Variants in SYN2 observed in about 807,000 individuals in gnomAD.
The protein encoded by SYN2 is synapsin-2.
A neutral mutation model predicts 50.9 loss-of-function variants in SYN2; 19 were observed. The observed-to-expected ratio is 0.37, with a 90% CI of 0.26 to 0.55. SYN2 has a LOEUF of 0.55. Among genes scored for constraint, SYN2 ranks in the 20% least tolerant of loss-of-function variants. SYN2 has a pLI of 0.81. For missense variants in SYN2, 587 were observed against 576.4 expected (o/e 1.02, Z -0.19); for synonymous variants, 255 against 224.9 (o/e 1.13, Z -1.20).
At chr3:12,042,684 C>A (rs2125149960) in intron 1 of SYN2, among the ~76,000 whole-genome samples, 1 of 152,208 alleles carries the variant, frequency 6.6e-6, no homozygotes, top group East Asian at 1.9e-4. Flanking sequence ...GAAACAGTGT[C>A]TTTGCAGCTA....
chr3:12,185,189 G>A (rs934758373), intron 11 of SYN2: 76 of 985,664 alleles, frequency 7.7e-5, no homozygotes, highest in Non-Finnish European at 8.9e-5. Context: ...TAAGAATCAG[G>A]TCCTTAAATA....
intron 1 of SYN2, among the ~76,000 whole-genome samples, chr3:12,074,381 C>T (rs996007873): frequency 3.9e-5 from 6 of 151,998 alleles, no homozygotes; most frequent in Non-Finnish European, 7.4e-5. Context: ...TACTGTTTAT[C>T]GTTGTCTTTT....
chr3:12,167,864 A>C (rs1348732871), intron 8 of SYN2, among the ~76,000 whole-genome samples: 1 of 152,194 alleles, frequency 6.6e-6, no homozygotes, highest in Non-Finnish European at 1.5e-5. Context: ...GGCCAGGCTA[A>C]CAGGTCTCAG....
At chr3:12,171,385 C>T (rs1378934378) in intron 10 of SYN2, among the ~76,000 whole-genome samples, 1 of 152,174 alleles carries the variant, frequency 6.6e-6, no homozygotes, top group Non-Finnish European at 1.5e-5. Context: ...GAGAGAGAAT[C>T]TGTGAACCAG....
At chr3:12,091,746 AC>A (rs1695833995) in intron 1 of SYN2, among the ~76,000 whole-genome samples, 1 of 152,240 alleles carries the variant, frequency 6.6e-6, no homozygotes, top group African/African-American at 2.4e-5. Context: ...ACAGTGGTCT[AC>A]CCCCTGTATT....
rs1696376725 is a variant in SYN2, at chr3:12,113,901, T to C, written c.378-26750T>C. On this transcript the variant is annotated intron_variant, in intron 1 of 12. Coordinates refer to ENST00000621198, the MANE Select transcript of SYN2 (RefSeq NM_133625.6). Reference sequence around the variant, plus strand: ...TTTTCCCTATTGTAAATAGTGTTGCTATGAACATTCATGTACAAGTTTTCA... The same window carrying C: ...TTTTCCCTATTGTAAATAGTGTTGCCATGAACATTCATGTACAAGTTTTCA... Among the ~76,000 whole-genome samples the C allele has an allele frequency of 2.6e-5, 4 of 152,314 alleles. No homozygotes were observed. The South Asian group carries it at 8.3e-4, about 32-fold the overall frequency.
At chr3:12,025,543 G>A (rs930462119) in intron 1 of SYN2, among the ~76,000 whole-genome samples, 3 of 152,158 alleles carry the variant, frequency 2.0e-5, no homozygotes, top group South Asian at 2.1e-4. Context: ...GACGCTACAG[G>A]TTAGTCAGCT....
chr3:12,027,520 A>C (rs552664751), intron 1 of SYN2, among the ~76,000 whole-genome samples: 1 of 152,324 alleles, frequency 6.6e-6, no homozygotes, highest in East Asian at 1.9e-4. Flanking sequence ...GTACCTGATC[A>C]GTTGGGGCTA....
chr3:12,161,713 T>G, intron 6 of SYN2, 105 bp downstream of exon 6: 1 of 1,355,722 alleles, frequency 7.4e-7, no homozygotes, highest in Non-Finnish European at 1.0e-6. Flanking sequence ...GATGAATTCT[T>G]TCCAAAGAGA....
intron 1 of SYN2, among the ~76,000 whole-genome samples, chr3:12,099,142 A>G (rs1411591306): frequency 1.3e-5 from 2 of 152,158 alleles, no homozygotes; most frequent in Non-Finnish European, 2.9e-5. Flanking sequence ...CTTCACCTTC[A>G]ATTATGGATA....
chr3:12,178,439 CT>C (rs1174993514), intron 10 of SYN2, among the ~76,000 whole-genome samples: 1 of 152,164 alleles, frequency 6.6e-6, no homozygotes, highest in Non-Finnish European at 1.5e-5. Context: ...TTAAAGTTAC[CT>C]TTGACAAAAA....
chr3:12,131,615 A>G (rs1696797975), intron 1 of SYN2, among the ~76,000 whole-genome samples: 1 of 151,216 alleles, frequency 6.6e-6, no homozygotes, highest in Admixed American at 6.6e-5. Context: ...AATGCATCTA[A>G]TCTTCCCGTC....
At chr3:12,023,130 A>G (rs1193569091) in intron 1 of SYN2, among the ~76,000 whole-genome samples, 1 of 151,954 alleles carries the variant, frequency 6.6e-6, no homozygotes, top group Non-Finnish European at 1.5e-5. Flanking sequence ...GAGAATGCCT[A>G]TTTTCCAGGG....
chr3:12,053,644 A>G (rs1158924307), intron 1 of SYN2, among the ~76,000 whole-genome samples: 3 of 152,092 alleles, frequency 2.0e-5, no homozygotes, highest in Non-Finnish European at 2.9e-5. Context: ...ACTTACTATG[A>G]TTACAATGTT....
At chr3:12,151,016 T>C (rs1046191148) in intron 4 of SYN2, among the ~76,000 whole-genome samples, 1 of 152,218 alleles carries the variant, frequency 6.6e-6, no homozygotes, top group Non-Finnish European at 1.5e-5. Context: ...ATCATTACAA[T>C]TGAGAAAGGT....
chr3:12,050,956 C>G (rs375057141), intron 1 of SYN2, among the ~76,000 whole-genome samples: 120 of 143,042 alleles, frequency 8.4e-4, no homozygotes, highest in Admixed American at 6.0e-3. Flanking sequence ...AGGATGGTCT[C>G]GATCTCCTGA....
At chr3:12,062,964 GTAAA>G (rs1695145492) in intron 1 of SYN2, among the ~76,000 whole-genome samples, 3 of 151,946 alleles carry the variant, frequency 2.0e-5, no homozygotes, top group Admixed American at 1.3e-4. Flanking sequence ...TATTGCTAAG[GTAAA>G]TAAGCCAATT....
intron 4 of SYN2, among the ~76,000 whole-genome samples, chr3:12,147,477 A>G (rs1300797642): frequency 6.6e-6 from 1 of 152,174 alleles, no homozygotes; most frequent in South Asian, 2.1e-4. Context: ...ACACGCTAAC[A>G]GAGTGTGATT....
chr3:12,029,861 CCCTT>C (rs1694343905), intron 1 of SYN2, among the ~76,000 whole-genome samples: 1 of 102,692 alleles, frequency 9.7e-6, no homozygotes. Flanking sequence ...TAATTGAATA[CCCTT>C]TATTTCTTTC....
Sources: allele counts gnomAD v4.1 joint callset (sites outside exome capture counted in the v4.1 genomes callset), GRCh38; gene constraint gnomAD v4.1.1; transcripts MANE v1.5; gene names NCBI Gene and HGNC (gene_info 2026-07-23, HGNC 2026-07-21).